FNIP1: variants seen among roughly 807,000 people sequenced by gnomAD.
The protein encoded by FNIP1 is folliculin interacting protein 1, also known as folliculin-interacting protein 1.
FNIP1 carries 40 observed loss-of-function variants against 124.5 expected under a neutral mutation model. The observed-to-expected ratio is 0.32, with a 90% CI of 0.25 to 0.42. The LOEUF is 0.42. FNIP1 is among the 10% of genes least tolerant of loss of function. The pLI is 1.00. For synonymous variants in FNIP1, 472 were observed against 470.6 expected (o/e 1.00, Z -0.04); for missense variants, 1,176 against 1,403.7 (o/e 0.84, Z 2.59).
intron 16 of FNIP1, 83 bp from the exon 17 acceptor site, chr5:131,647,288 T>G (rs1381038477): frequency 5.2e-6 from 5 of 959,394 alleles, no homozygotes; most frequent in Non-Finnish European, 8.3e-6. Context: ...CATAATGTTT[T>G]TGACAATTCT....
chr5:131,745,628 TAC>T (rs989593823), intron 1 of FNIP1, among the ~76,000 whole-genome samples: 31 of 152,086 alleles, frequency 2.0e-4, no homozygotes, highest in African/African-American at 6.7e-4. Context: ...TGTGTATACA[TAC>T]ACACACACAT....
chr5:131,759,932 T>C (rs1771169867), intron 1 of FNIP1, among the ~76,000 whole-genome samples: 1 of 152,238 alleles, frequency 6.6e-6, no homozygotes, highest in African/African-American at 2.4e-5. Flanking sequence ...ATCATGTCCT[T>C]TGCAGCAACA....
At chr5:131,718,580 G>C (rs562211684) in intron 5 of FNIP1, among the ~76,000 whole-genome samples, 1 of 152,302 alleles carries the variant, frequency 6.6e-6, no homozygotes, top group South Asian at 2.1e-4. Flanking sequence ...TCATTATATA[G>C]TGTATATGTG....
At chr5:131,774,492 A>G (rs533220601) in intron 1 of FNIP1, among the ~76,000 whole-genome samples, 3 of 152,306 alleles carry the variant, frequency 2.0e-5, no homozygotes, top group African/African-American at 7.2e-5. Flanking sequence ...TCACACACCT[A>G]TCTTTCATTT....
At chr5:131,655,103 T>C (rs1291774802) in intron 15 of FNIP1, among the ~76,000 whole-genome samples, 1 of 152,186 alleles carries the variant, frequency 6.6e-6, no homozygotes, top group African/African-American at 2.4e-5. Context: ...TCCAATATAA[T>C]ATATGGGTAA....
intron 1 of FNIP1, among the ~76,000 whole-genome samples, chr5:131,786,751 C>T (rs895523108): frequency 6.6e-6 from 1 of 152,192 alleles, no homozygotes; most frequent in Non-Finnish European, 1.5e-5. Context: ...CCCTTGCTCT[C>T]ACCCGCATTT....
intron 15 of FNIP1, among the ~76,000 whole-genome samples, chr5:131,653,180 G>A (rs1443647025): frequency 6.6e-6 from 1 of 151,942 alleles, no homozygotes; most frequent in Non-Finnish European, 1.5e-5. Flanking sequence ...GAATACAGCA[G>A]TTAAAAATGG....
chr5:131,718,748 A>G (rs1769554257), intron 5 of FNIP1, among the ~76,000 whole-genome samples: 2 of 152,334 alleles, frequency 1.3e-5, no homozygotes, highest in African/African-American at 2.4e-5. Context: ...CCTAAGACGG[A>G]AATCCATTCA....
Position 131,671,509 on chromosome 5 carries a change from G to C in FNIP1, c.2935C>G (p.Pro979Ala). 6.2e-7 allele frequency: 1 copy of C among 1,604,888 alleles called. No individual in the cohort carries two copies. The highest frequency in any genetic ancestry group is 8.5e-7 in the Non-Finnish European group (1 of 1,177,904). ...DWAEEDEIPFPGSKLIEVSAV... is the reference protein window; with the variant it reads ...DWAEEDEIPFAGSKLIEVSAV... The stretch of plus-strand genomic sequence containing the variant: ...AGGTGAAAACTTCCTACTTACCCAG[G>C]AAAAGGTATCTCATCCTCTTCTGCC... The change falls in exon 14 of 18, where the codon CCT (proline) becomes GCT (alanine). Residue 979 changes from proline (P) to alanine (A), a missense_variant. Transcript: ENST00000510461.
At chr5:131,735,644 A>G (rs1770274698) in intron 2 of FNIP1, among the ~76,000 whole-genome samples, 1 of 149,574 alleles carries the variant, frequency 6.7e-6, no homozygotes, top group African/African-American at 2.4e-5. Flanking sequence ...ATATACGTAT[A>G]TATGCACATA....
chr5:131,648,273 G>C (rs1235172564), intron 16 of FNIP1, among the ~76,000 whole-genome samples: 1 of 148,272 alleles, frequency 6.7e-6, no homozygotes, highest in Non-Finnish European at 1.5e-5. Context: ...ATTGAGCCAT[G>C]ATTACTACTG....
At chr5:131,676,116 G>T (rs1293339500) in intron 13 of FNIP1, among the ~76,000 whole-genome samples, 2 of 151,844 alleles carry the variant, frequency 1.3e-5, no homozygotes, top group African/African-American at 4.8e-5. Context: ...CCGCCTCCTG[G>T]GTTCACACCA....
At chr5:131,661,512 G>C (rs1015061398) in intron 15 of FNIP1, among the ~76,000 whole-genome samples, 1 of 152,090 alleles carries the variant, frequency 6.6e-6, no homozygotes. Flanking sequence ...GTCAGTATTA[G>C]GTGCTGAGCA....
intron 15 of FNIP1, among the ~76,000 whole-genome samples, chr5:131,652,407 T>G (rs1408950281): frequency 6.6e-6 from 1 of 152,188 alleles, no homozygotes. Context: ...CAGGCTGGAG[T>G]GCAGTGGTGC....
intron 15 of FNIP1, among the ~76,000 whole-genome samples, chr5:131,656,883 T>C (rs548024758): frequency 6.6e-6 from 1 of 152,194 alleles, no homozygotes; most frequent in East Asian, 1.9e-4. Flanking sequence ...AGATCAGAAC[T>C]ACCCTTATAT....
chr5:131,743,587 T>G (rs1179702298), intron 2 of FNIP1, among the ~76,000 whole-genome samples: 1 of 152,050 alleles, frequency 6.6e-6, no homozygotes, highest in Non-Finnish European at 1.5e-5. Flanking sequence ...GTGTCTCTCC[T>G]CAAAATTTAT....
chr5:131,730,409 A>G (rs1770041040), intron 3 of FNIP1, among the ~76,000 whole-genome samples: 1 of 152,222 alleles, frequency 6.6e-6, no homozygotes, highest in Admixed American at 6.5e-5. Context: ...GACACTTGCT[A>G]AGCATGAGAC....
chr5:131,738,438 T>C (rs954202320), intron 2 of FNIP1, among the ~76,000 whole-genome samples: 9 of 152,130 alleles, frequency 5.9e-5, no homozygotes, highest in African/African-American at 1.4e-4. Context: ...TGAAAAAAAA[T>C]TGGCTGTCAA....
intron 15 of FNIP1, among the ~76,000 whole-genome samples, chr5:131,654,036 A>G (rs1313750247): frequency 6.6e-6 from 1 of 152,258 alleles, no homozygotes; most frequent in Admixed American, 6.5e-5. Context: ...CACTGCACCC[A>G]GCCCTTATTG....
Sources: gnomAD v4.1 joint callset for allele counts (sites outside exome capture counted in the v4.1 genomes callset) on GRCh38, gnomAD v4.1.1 for gene constraint, MANE v1.5 for transcripts, NCBI Gene and HGNC (gene_info 2026-07-23, HGNC 2026-07-21) for gene names.